Variants in LCT observed in about 807,000 individuals in gnomAD.
The protein encoded by LCT is lactase, also known as lactase/phlorizin hydrolase.
In LCT, 90 loss-of-function variants were observed where a neutral mutation model predicts 173.0. The ratio of observed to expected loss-of-function variants is 0.52; its 90% CI spans 0.44 to 0.62. LCT has a LOEUF of 0.62. Among genes scored for constraint, LCT ranks in the 20% least tolerant of loss-of-function variants. The probability of loss-of-function intolerance (pLI) is 0.00; values close to 1 mark genes in which losing one functional copy is unlikely to be tolerated. For missense variants in LCT, 1,864 were observed against 2,431.4 expected, an observed-to-expected ratio of 0.77 and a Z score of 4.91; for synonymous variants, 853 against 957.6, an observed-to-expected ratio of 0.89 and a Z score of 2.02.
At chr2:135,831,309 G>A (rs935956435) in intron 2 of LCT, among the ~76,000 whole-genome samples, 12 of 152,184 alleles carry the variant, frequency 7.9e-5, no homozygotes, top group African/African-American at 1.9e-4. Context: ...CAGGAAGGAC[G>A]TCCAGTAGGG....
chr2:135,830,987 C>G (rs565470032), intron 2 of LCT, among the ~76,000 whole-genome samples: 1 of 152,228 alleles, frequency 6.6e-6, no homozygotes, highest in East Asian at 1.9e-4. Flanking sequence ...AAGCCCACAC[C>G]AGTGGTTCTC....
intron 7 of LCT, among the ~76,000 whole-genome samples, chr2:135,811,565 G>A (rs2077734493): frequency 6.6e-6 from 1 of 152,152 alleles, no homozygotes; most frequent in Non-Finnish European, 1.5e-5. Context: ...ATGAAGACCA[G>A]TGTGGCTGGA....
rs375320074 is a variant in LCT, at chr2:135,809,718, G to C, written c.2629C>G (p.Pro877Ala). 10 of 1,614,158 alleles carry C rather than the reference G, an allele frequency of 6.2e-6. No homozygotes were observed. Among genetic ancestry groups the C allele is most frequent in the African/African-American group, 5.3e-5 (4 of 74,952 alleles). ...VRAFTFPSEV[P>A]SKAKVVWEKF... ...TCCCAAACGACTTTAGCCTTGGAGG[G>C]CACCTCAGATGGAAAAGTGAAGGCT... Residue 877 changes from proline to alanine, a missense_variant, in exon 8 of 17, where the codon CCC becomes GCC. Coordinates refer to ENST00000264162, the MANE Select transcript of LCT (RefSeq NM_002299.4). This position sits in a 1 kb window ranked among gnomAD's most constrained non-coding sequence, Gnocchi z 5.5.
chr2:135,789,517 C>T (rs934921181), intron 16 of LCT, 54 bp downstream of exon 16: 12 of 1,299,978 alleles, frequency 9.2e-6, no homozygotes, highest in Non-Finnish European at 1.3e-5. Flanking sequence ...GAGAGAGGCC[C>T]TTCCACCTGC....
At chr2:135,789,900 T>C in intron 15 of LCT, 102 bp from the exon 16 acceptor site, 4 of 886,946 alleles carry the variant, frequency 4.5e-6, no homozygotes, top group East Asian at 2.4e-5. Flanking sequence ...CCCCACCGCC[T>C]TCACAGATGG....
intron 3 of LCT, among the ~76,000 whole-genome samples, chr2:135,827,318 T>A (rs572715366): frequency 6.6e-6 from 1 of 152,222 alleles, no homozygotes; most frequent in Non-Finnish European, 1.5e-5. Flanking sequence ...AAAGCCCTAG[T>A]TCAAATCCCA....
intron 2 of LCT, among the ~76,000 whole-genome samples, chr2:135,829,975 G>A (rs993786148): frequency 1.3e-5 from 2 of 152,164 alleles, no homozygotes; most frequent in Non-Finnish European, 2.9e-5. Flanking sequence ...AAATGAATGC[G>A]TGAAGGAGTG....
Position 135,790,620 on chromosome 2 carries a change from G to C in LCT, c.5335+38C>G, listed in dbSNP as rs780107177. The C allele has an allele frequency of 3.7e-6, 5 of 1,333,444 alleles. No homozygotes were observed. Among genetic ancestry groups the C allele is most frequent in the Non-Finnish European group, 5.4e-6 (5 of 925,808 alleles). The allele number at this position is 1,333,444 out of a possible 1,614,324, so 82.6% of individuals were successfully genotyped here. On this transcript the variant is annotated intron_variant, in intron 15 of 16. Transcript: ENST00000264162. This position sits in a 1 kb window ranked among gnomAD's most constrained non-coding sequence, Gnocchi z 4.1. ...TGCAAATAGCAGATGTTTCCAACAG[G>C]GGAAGGTGCACGCTGGGGAAGGGCG...
At chr2:135,805,159 G>A (rs1575336597) in intron 9 of LCT, 102 bp from the exon 10 acceptor site, 1 of 1,147,714 alleles carries the variant, frequency 8.7e-7, no homozygotes, top group East Asian at 2.4e-5. Flanking sequence ...TTACTCTTTT[G>A]TGATAACGCT....
At chr2:135,820,437 C>A (rs2077818775) in intron 5 of LCT, 1 of 152,240 alleles carries the variant, frequency 6.6e-6, no homozygotes, top group Non-Finnish European at 1.5e-5. Flanking sequence ...CTGTCTATTG[C>A]AAGTCTACAC....
intron 7 of LCT, 168 bp from the exon 8 acceptor site, chr2:135,810,161 T>G (rs1348410499): frequency 1.6e-6 from 1 of 611,710 alleles, no homozygotes; most frequent in African/African-American, 1.8e-5. Flanking sequence ...TTTTATTTAT[T>G]TATCTTTTAA....
chr2:135,796,497 C>T lies in LCT; in HGVS notation c.4976+1532G>A, dbSNP rs559429781. Among the ~76,000 whole-genome samples, 19 of 152,328 alleles carry T rather than the reference C, an allele frequency of 1.2e-4. No homozygotes were observed. The East Asian group carries it at 3.3e-3, about 26-fold the overall frequency. On this transcript the variant is annotated intron_variant, in intron 13 of 16. Coordinates refer to ENST00000264162, the MANE Select transcript of LCT (RefSeq NM_002299.4). ...CACTCTCAGCTCTGGCACCCCCACT[C>T]ATTCTTACCTCTAGGCCTGTCTTCA...
chr2:135,824,877 C>T (rs1193875371), intron 3 of LCT, among the ~76,000 whole-genome samples: 1 of 151,666 alleles, frequency 6.6e-6, no homozygotes, highest in Non-Finnish European at 1.5e-5. Flanking sequence ...GTGGTGCACG[C>T]CTGTAATATC....
At chr2:135,818,477 T>G (rs1296533620) in intron 5 of LCT, among the ~76,000 whole-genome samples, 1 of 152,250 alleles carries the variant, frequency 6.6e-6, no homozygotes, top group Non-Finnish European at 1.5e-5. Flanking sequence ...CATTTAATTT[T>G]CCCAACAAAT....
chr2:135,812,956 C>A lies in LCT; in HGVS notation c.1708G>T (p.Val570Leu). 1 of 1,613,828 alleles carries A rather than the reference C, an allele frequency of 6.2e-7. No homozygotes were observed. Among genetic ancestry groups the A allele is most frequent in the Non-Finnish European group, 8.5e-7 (1 of 1,179,890 alleles). Residue 570 changes from valine (V) to leucine (L), a missense_variant and splice_region_variant, in exon 7 of 17, where the codon GTG becomes TTG. By Grantham distance (32) the Val-to-Leu change is conservative. Around this residue, in one of 4 missense-constraint regions of LCT, gnomAD observed 183 missense variants for 293.1 expected, o/e 0.62. Transcript: ENST00000264162. ...TGAGCCTTGAGGACCAAGTGAGCCA[C>A]CTTGTGAAAAAGTAAGAAGGAAATA... The part of the protein sequence containing the change: ...ISDPGVASFK[V>L]AHLVLKAHAR...
intron 12 of LCT, 72 bp downstream of exon 12, chr2:135,800,535 A>G: frequency 7.7e-6 from 10 of 1,290,660 alleles, no homozygotes; most frequent in Non-Finnish European, 1.1e-5. Context: ...TCTTTGATTC[A>G]CAATCTGTTT....
chr2:135,824,531 A>T (rs1351624118), intron 3 of LCT, among the ~76,000 whole-genome samples: 1 of 152,156 alleles, frequency 6.6e-6, no homozygotes, highest in Admixed American at 6.5e-5. Flanking sequence ...ACAGAGCAAG[A>T]TCCTGTCTCT....
intron 1 of LCT, 92 bp from the exon 2 acceptor site, chr2:135,833,282 G>A: frequency 1.1e-6 from 1 of 884,732 alleles, no homozygotes. Context: ...CTATGGACCT[G>A]AAGAAATCAT....
Position 135,817,509 on chromosome 2 carries a change from C to T in LCT, c.1539G>A (p.Glu513=), listed in dbSNP as rs202186209. The T allele has an allele frequency of 5.4e-4, 876 of 1,614,220 alleles. 1 individual carries two copies. Among genetic ancestry groups the T allele is most frequent in the South Asian group, 2.1e-3 (190 of 91,088 alleles). The part of the protein sequence containing the change: ...ALQDHGGWQN[E]SVVDAFLDYA... ...AGTCCAGGAAGGCATCCACCACGCTCTCATTCTGCCATCCACCATGATCCT... is the reference window on the plus strand; with the variant it reads ...AGTCCAGGAAGGCATCCACCACGCTTTCATTCTGCCATCCACCATGATCCT... The change falls in exon 6 of 17, where the codon GAG becomes GAA. Residue 513 remains glutamate (E), a synonymous_variant. Coordinates refer to ENST00000264162, the MANE Select transcript of LCT (RefSeq NM_002299.4).
Sources: allele counts gnomAD v4.1 joint callset (sites outside exome capture counted in the v4.1 genomes callset), GRCh38; gene constraint gnomAD v4.1.1; regional missense constraint gnomAD v4.1.1; non-coding constraint Gnocchi (gnomAD v3.1); transcripts MANE v1.5; gene names NCBI Gene and HGNC (gene_info 2026-07-23, HGNC 2026-07-21).